Variants in PPP2R1B observed in about 807,000 individuals in gnomAD.
PPP2R1B encodes the protein serine/threonine-protein phosphatase 2A 65 kDa regulatory subunit A beta isoform.
Under a neutral mutation model 72.7 loss-of-function variants are expected in PPP2R1B, and 58 were observed. That is an observed-to-expected ratio of 0.80 (90% confidence interval 0.65 to 0.99). The LOEUF is 0.99. Ranked by LOEUF, PPP2R1B falls within the 50% of genes least tolerant of loss-of-function variation. The pLI is 0.00. For synonymous variants in PPP2R1B, 256 were observed against 264.6 expected, an observed-to-expected ratio of 0.97 and a Z score of 0.32; for missense variants, 695 against 733.6, an observed-to-expected ratio of 0.95 and a Z score of 0.61.
At chr11:111,745,606 C>G (rs1944679804) in intron 11 of PPP2R1B, among the ~76,000 whole-genome samples, 1 of 152,076 alleles carries the variant, frequency 6.6e-6, no homozygotes, top group South Asian at 2.1e-4. Context: ...TTCTCTCTCC[C>G]CATCTCCTCT....
At chr11:111,752,388 CAG>C in intron 9 of PPP2R1B, 56 bp from the exon 10 acceptor site, 1 of 1,496,150 alleles carries the variant, frequency 6.7e-7, no homozygotes, top group African/African-American at 1.4e-5. Context: ...CTCTGCCCAA[CAG>C]TCTCCTGTCA....
chr11:111,727,374 C>A, intron 15 of PPP2R1B: 1 of 396,266 alleles, frequency 2.5e-6, no homozygotes, highest in Non-Finnish European at 4.6e-6. Flanking sequence ...CCTCAGATAT[C>A]AAGAACTCCC....
rs1311011288 is a variant in PPP2R1B at position 111,752,345 on chromosome 11, A to G, written c.1165-13T>C. ...GAACGTCAGGACACTGCAAGTACAC[A>G]AGCCCCAAAAGACCACATTTAAAAA... is the stretch of plus-strand genomic sequence containing the variant. On this transcript the variant is annotated splice_polypyrimidine_tract_variant and intron_variant, in intron 9 of 14. Transcript: ENST00000527614. The G allele has an allele frequency of 1.3e-6, 2 of 1,586,736 alleles. No individual in the cohort carries two copies. The highest frequency in any genetic ancestry group is 1.7e-6 in the Non-Finnish European group (2 of 1,165,590).
intron 15 of PPP2R1B, among the ~76,000 whole-genome samples, chr11:111,731,379 C>A (rs1025708394): frequency 1.3e-5 from 2 of 152,230 alleles, no homozygotes; most frequent in South Asian, 4.1e-4. Flanking sequence ...CGACACTGCA[C>A]GTGCGCTCAC....
At chr11:111,752,009 TA>T in intron 10 of PPP2R1B, 149 bp downstream of exon 10, 1 of 857,790 alleles carries the variant, frequency 1.2e-6, no homozygotes, top group Non-Finnish European at 1.7e-6. Context: ...CTAACAAACA[TA>T]AAAACCATCC....
chr11:111,688,313 G>A, the PPP2R1B span: 1 of 765,534 alleles, frequency 1.3e-6, no homozygotes. The surrounding 1 kb of genome is among the most constrained non-coding windows in gnomAD (Gnocchi z 4.2). Context: ...CCTTAGTTCT[G>A]TGTGTAATTA....
At chr11:111,704,910 C>G in the PPP2R1B span, 4 of 1,401,014 alleles carry the variant, frequency 2.9e-6, no homozygotes, top group Non-Finnish European at 3.8e-6. Context: ...TTTCTTTCCT[C>G]TTTTTTTTTA....
the PPP2R1B span, chr11:111,705,094 C>T: frequency 6.2e-7 from 1 of 1,605,126 alleles, no homozygotes; most frequent in East Asian, 2.2e-5. This position sits in a 1 kb window ranked among gnomAD's most constrained non-coding sequence, Gnocchi z 4.3. Flanking sequence ...GACTTGATGG[C>T]CGCCAGCGTC....
At chr11:111,723,697 G>A (rs374611691), downstream of PPP2R1B, 12 of 1,614,000 alleles carry the variant, frequency 7.4e-6, no homozygotes, top group African/African-American at 1.3e-5. Flanking sequence ...CTTCCTCCGA[G>A]CAGATGCAAT....
intron 3 of PPP2R1B, among the ~76,000 whole-genome samples, chr11:111,764,239 G>T (rs1441656632): frequency 2.7e-5 from 4 of 150,820 alleles, no homozygotes; most frequent in Admixed American, 1.3e-4. Flanking sequence ...AGAGATGGGG[G>T]TCTCACTATG....
At chr11:111,760,020 A>C (rs1196294622) in intron 4 of PPP2R1B, 69 bp from the exon 5 acceptor site, 6 of 1,489,414 alleles carry the variant, frequency 4.0e-6, no homozygotes, top group Non-Finnish European at 5.5e-6. Flanking sequence ...CCATACACAC[A>C]GACAGACTTT....
At chr11:111,705,012 A>G in the PPP2R1B span, 6 of 1,607,340 alleles carry the variant, frequency 3.7e-6, no homozygotes, top group Non-Finnish European at 5.1e-6. This position sits in a 1 kb window ranked among gnomAD's most constrained non-coding sequence, Gnocchi z 4.3. Context: ...AGCTATAACC[A>G]CTTTGCTGCC....
Position 111,743,483 on chromosome 11 carries a change from G to C in PPP2R1B, c.1447C>G (p.Gln483Glu), listed in dbSNP as rs950179654. 6 of 1,613,834 alleles carry C rather than the reference G, an allele frequency of 3.7e-6. No individual in the cohort carries two copies. In the African/African-American group the frequency reaches 8.0e-5, roughly 22 times the overall value. Reference sequence around the variant, plus strand: ...TGGGCCCACTCTGTACCAAACTTCTGAACTAGTTTCATGAGGTTGTTGGTG... The same window carrying C: ...TGGGCCCACTCTGTACCAAACTTCTCAACTAGTTTCATGAGGTTGTTGGTG... ...AATNNLMKLVQKFGTEWAQNT... is the reference protein window; with the variant it reads ...AATNNLMKLVEKFGTEWAQNT... Residue 483 changes from glutamine to glutamate, a missense_variant, in exon 12 of 15, where the codon CAG becomes GAG. By Grantham distance (29) the Gln-to-Glu change is conservative. Coordinates refer to ENST00000527614, the MANE Select transcript of PPP2R1B (RefSeq NM_002716.5).
chr11:111,717,694 A>G, the PPP2R1B span, among the ~76,000 whole-genome samples: 2 of 152,222 alleles, frequency 1.3e-5, no homozygotes, highest in Non-Finnish European at 2.9e-5. Context: ...AATCAACCCA[A>G]ATGCCCATCA....
intron 3 of PPP2R1B, chr11:111,761,269 A>G (rs782566194): frequency 3.0e-6 from 2 of 666,646 alleles, no homozygotes; most frequent in South Asian, 3.0e-5. Flanking sequence ...CTCGTGTCCC[A>G]GATGGCAATT....
intron 5 of PPP2R1B, 98 bp from the exon 6 acceptor site, chr11:111,755,548 G>C: frequency 2.8e-6 from 3 of 1,073,770 alleles, no homozygotes; most frequent in South Asian, 1.8e-5. Context: ...ACACCACCAA[G>C]ACTGCCACAC....
intron 13 of PPP2R1B, 171 bp from the exon 14 acceptor site, chr11:111,742,315 TTCAG>T: frequency 2.1e-5 from 13 of 610,250 alleles, no homozygotes; most frequent in Middle Eastern, 4.8e-4. Context: ...CAAAATCAGC[TTCAG>T]ACAAGGATCT....
At chr11:111,743,663 C>G in intron 11 of PPP2R1B, 133 bp from the exon 12 acceptor site, 1 of 1,110,958 alleles carries the variant, frequency 9.0e-7, no homozygotes, top group Admixed American at 2.5e-5. Context: ...TGTAATCATG[C>G]TGCAATGACA....
the PPP2R1B span, chr11:111,720,876 T>G: frequency 6.2e-7 from 1 of 1,610,474 alleles, no homozygotes; most frequent in Non-Finnish European, 8.5e-7. Flanking sequence ...GTTAAACTGT[T>G]TGGTCTTGGT....
Sources: gnomAD v4.1 joint callset for allele counts (sites outside exome capture counted in the v4.1 genomes callset) on GRCh38, gnomAD v4.1.1 for gene constraint, Gnocchi (gnomAD v3.1) non-coding constraint, MANE v1.5 for transcripts, NCBI Gene and HGNC (gene_info 2026-07-23, HGNC 2026-07-21) for gene names.